The following ZNF438 variants were observed in gnomAD, a reference collection of about 807,000 sequenced individuals.
ZNF438 encodes the protein zinc finger protein 438.
ZNF438 carries 25 observed loss-of-function variants against 38.0 expected under a neutral mutation model. The ratio of observed to expected loss-of-function variants is 0.66; its 90% CI spans 0.48 to 0.92. ZNF438 has a LOEUF of 0.92. ZNF438 is among the 40% of genes least tolerant of loss of function. ZNF438 has a pLI of 0.00. For synonymous variants in ZNF438, 372 were observed against 364.1 expected, an observed-to-expected ratio of 1.02 and a Z score of -0.25; for missense variants, 1,007 against 999.6, an observed-to-expected ratio of 1.01 and a Z score of -0.10.
intron 1 of ZNF438, among the ~76,000 whole-genome samples, chr10:30,998,277 A>C (rs531109225): frequency 6.6e-6 from 1 of 152,078 alleles, no homozygotes; most frequent in Non-Finnish European, 1.5e-5. Context: ...GCAGTGGCTC[A>C]TGCCTGTAAT....
intron 1 of ZNF438, among the ~76,000 whole-genome samples, chr10:30,963,603 G>C (rs775919245): frequency 6.6e-6 from 1 of 152,174 alleles, no homozygotes; most frequent in Non-Finnish European, 1.5e-5. Context: ...GCCAGGCCCT[G>C]TGGCTCACGC....
chr10:30,989,216 A>G (rs1323731989), intron 1 of ZNF438, among the ~76,000 whole-genome samples: 1 of 152,206 alleles, frequency 6.6e-6, no homozygotes, highest in African/African-American at 2.4e-5. Context: ...TCCTTAAAAT[A>G]AACTCTATAT....
At chr10:30,961,892 G>GAAAA (rs947031672) in intron 1 of ZNF438, among the ~76,000 whole-genome samples, 1 of 67,096 alleles carries the variant, frequency 1.5e-5, no homozygotes, top group Non-Finnish European at 3.2e-5. Context: ...CATCCCAAAA[G>GAAAA]AAAAAAAAAA....
intron 2 of ZNF438, among the ~76,000 whole-genome samples, chr10:30,927,375 C>T (rs1554854611): frequency 1.3e-5 from 2 of 152,184 alleles, no homozygotes; most frequent in Admixed American, 6.5e-5. Context: ...CCAATGTCCA[C>T]ATATATATGA....
At chr10:30,856,781 G>A (rs1208386660) in intron 4 of ZNF438, among the ~76,000 whole-genome samples, 1 of 152,096 alleles carries the variant, frequency 6.6e-6, no homozygotes, top group African/African-American at 2.4e-5. Context: ...AATTAATTGT[G>A]TACAATTATT....
intron 2 of ZNF438, among the ~76,000 whole-genome samples, chr10:30,931,494 T>A (rs1336057437): frequency 6.6e-6 from 1 of 151,248 alleles, no homozygotes; most frequent in Non-Finnish European, 1.5e-5. Flanking sequence ...GAAATAACAC[T>A]TTTTTTTGCC....
At chr10:30,865,237 A>T (rs2036235096) in intron 4 of ZNF438, among the ~76,000 whole-genome samples, 1 of 152,240 alleles carries the variant, frequency 6.6e-6, no homozygotes, top group Non-Finnish European at 1.5e-5. Context: ...TCTAAGAGAC[A>T]TCTACAGCAT....
At position 30,946,909 on chromosome 10, in the gene ZNF438, G is replaced by A. The variant is rs865894805; in HGVS notation, c.-191-5258C>T. Among the ~76,000 whole-genome samples, 32 of 151,964 alleles carry A rather than the reference G, an allele frequency of 2.1e-4. No homozygotes were observed. The South Asian group carries it at 3.3e-3, about 16-fold the overall frequency. On this transcript the variant is annotated intron_variant, in intron 1 of 5. Transcript: ENST00000413025. ...CTTTGTAGCTTTAGTGATTGTGCTC[G>A]TGTTTAAAATATGCACATTTAACCT...
At chr10:30,970,429 G>T (rs1267525318) in intron 1 of ZNF438, among the ~76,000 whole-genome samples, 1 of 152,130 alleles carries the variant, frequency 6.6e-6, no homozygotes, top group Non-Finnish European at 1.5e-5. Context: ...CGACCCTACA[G>T]CTGTATGAAG....
chr10:30,944,105 G>A (rs569627736), intron 1 of ZNF438, among the ~76,000 whole-genome samples: 24 of 152,266 alleles, frequency 1.6e-4, no homozygotes, highest in African/African-American at 5.3e-4. Context: ...AGAGTAGGGC[G>A]TCACCTAAGT....
At position 30,987,394 on chromosome 10, in the gene ZNF438, G is replaced by A. The variant is rs551765145; in HGVS notation, c.-192+44439C>T. ...AAAAAAAAAAAATTCCAGCATGATA[G>A]TCCATGTTTTCTTTTTGTTATCTAT... On this transcript the variant is annotated intron_variant, in intron 1 of 5. Coordinates refer to ENST00000413025, the Ensembl canonical transcript of ZNF438. 1.1e-4 allele frequency among the ~76,000 whole-genome samples: 16 copies of A among 150,484 alleles called. No individual in the cohort carries two copies. In the East Asian group the frequency reaches 2.9e-3, roughly 27 times the overall value.
At chr10:30,870,425 C>CT (rs72383065) in intron 4 of ZNF438, among the ~76,000 whole-genome samples, 49 of 149,490 alleles carry the variant, frequency 3.3e-4, no homozygotes, top group South Asian at 1.7e-3. Context: ...AAAACTGTCA[C>CT]TTTTTTTTTT....
At chr10:30,874,049 T>C (rs766705134) in intron 4 of ZNF438, among the ~76,000 whole-genome samples, 12 of 149,350 alleles carry the variant, frequency 8.0e-5, no homozygotes, top group Non-Finnish European at 1.8e-4. Context: ...ACACAAATTA[T>C]GTACATGCAA....
intron 1 of ZNF438, among the ~76,000 whole-genome samples, chr10:30,962,960 G>A (rs992434083): frequency 1.6e-4 from 24 of 152,224 alleles, no homozygotes; most frequent in Admixed American, 1.3e-3. Flanking sequence ...ACTCTAAAAT[G>A]CACTAATGGG....
chr10:30,959,798 T>G (rs118091532), intron 1 of ZNF438, among the ~76,000 whole-genome samples: 13,480 of 146,514 alleles, frequency 0.092, 2,212 homozygotes, highest in Non-Finnish European at 0.13. Flanking sequence ...ATTCTGTCTC[T>G]CTGGAGAACC....
intron 4 of ZNF438, among the ~76,000 whole-genome samples, chr10:30,866,190 A>G (rs1284774135): frequency 6.6e-6 from 1 of 152,196 alleles, no homozygotes; most frequent in East Asian, 1.9e-4. Flanking sequence ...TCACAGTCAG[A>G]GTACATGTCT....
At chr10:31,010,850 A>G (rs2055605193) in intron 1 of ZNF438, among the ~76,000 whole-genome samples, 1 of 141,408 alleles carries the variant, frequency 7.1e-6, no homozygotes, top group Non-Finnish European at 1.5e-5. Flanking sequence ...CTATTATTAC[A>G]CCACTGCACT....
intron 4 of ZNF438, among the ~76,000 whole-genome samples, chr10:30,860,473 T>C (rs1428758395): frequency 6.6e-6 from 1 of 152,234 alleles, no homozygotes; most frequent in Non-Finnish European, 1.5e-5. Context: ...TGTCAGCTCA[T>C]TATCAGTGAA....
intron 2 of ZNF438, among the ~76,000 whole-genome samples, chr10:30,925,583 C>G (rs1003871171): frequency 2.0e-5 from 3 of 152,240 alleles, no homozygotes; most frequent in Non-Finnish European, 4.4e-5. Context: ...GGAGCTGTCA[C>G]TGGGAAGTGG....
Sources: allele counts gnomAD v4.1 joint callset (sites outside exome capture counted in the v4.1 genomes callset), GRCh38; gene constraint gnomAD v4.1.1; transcripts MANE v1.5; gene names NCBI Gene and HGNC (gene_info 2026-07-23, HGNC 2026-07-21).